Variants in ZNF385D observed in about 807,000 individuals in gnomAD.
The protein encoded by ZNF385D is zinc finger protein 385D, also known as zinc finger protein 659.
In ZNF385D, 15 loss-of-function variants were observed where a neutral mutation model predicts 35.8. That is an observed-to-expected ratio of 0.42 (90% confidence interval 0.28 to 0.64). The LOEUF (loss-of-function observed/expected upper bound fraction) is 0.64. Among genes scored for constraint, ZNF385D ranks in the 30% least tolerant of loss-of-function variants. The pLI, the probability that ZNF385D is intolerant of heterozygous loss-of-function variation, is 0.23. For synonymous variants in ZNF385D, 212 were observed against 186.8 expected (o/e 1.13, Z -1.10); for missense variants, 474 against 494.6 (o/e 0.96, Z 0.39).
rs75745790 is a variant in ZNF385D, at chr3:21,505,649, G to A, written c.439+5212C>T. Among the ~76,000 whole-genome samples the A allele has an allele frequency of 4.4e-3, 664 of 152,058 alleles. 4 individuals are homozygous for A. The highest frequency in any genetic ancestry group is 0.015 in the African/African-American group (630 of 41,468). ...TACAGCCTTGACTGGACAAGAAATC[G>A]ACTTCAGTAACTTTCTCTTAATAAG... On this transcript the variant is annotated intron_variant, in intron 4 of 7. Transcript: ENST00000281523.
chr3:22,022,844 C>T lies in ZNF385D; in HGVS notation c.325+145973G>A, dbSNP rs78656055. On this transcript the variant is annotated intron_variant, in intron 3 of 5. Coordinates refer to the ZNF385D transcript ENST00000494108. ...CAAAATAGTTACCAGGAAGGCAAAACGAATATTTTTAAAAGAATTAAGTCC... is the reference window on the plus strand; with the variant it reads ...CAAAATAGTTACCAGGAAGGCAAAATGAATATTTTTAAAAGAATTAAGTCC... Among the ~76,000 whole-genome samples, 1,116 of 152,110 alleles carry T rather than the reference C, an allele frequency of 7.3e-3. 12 individuals are homozygous for T. Among genetic ancestry groups the T allele is most frequent in the South Asian group, 0.021 (103 of 4,828 alleles).
intron 2 of ZNF385D, among the ~76,000 whole-genome samples, chr3:21,566,403 A>ATCTC (rs1340014059): frequency 6.6e-6 from 1 of 152,112 alleles, no homozygotes; most frequent in Admixed American, 6.6e-5. Flanking sequence ...AGGTGGGTGG[A>ATCTC]TCTCTTGAGG....
Position 22,081,202 on chromosome 3 carries a change from A to G in ZNF385D, c.325+87615T>C, listed in dbSNP as rs569438266. On this transcript the variant is annotated intron_variant, in intron 3 of 5. Coordinates refer to the ZNF385D transcript ENST00000494108. ...TATTAGATATTTGTTAAATTAAAGC[A>G]ACTTATTAAAATTTTGCCCCAAATT... is the stretch of plus-strand genomic sequence containing the variant. Among the ~76,000 whole-genome samples, 15 of 152,286 alleles carry G rather than the reference A, an allele frequency of 9.8e-5. 1 individual carries two copies. The highest frequency in any genetic ancestry group is 3.4e-4 in the African/African-American group (14 of 41,560).
intron 3 of ZNF385D, among the ~76,000 whole-genome samples, chr3:21,833,962 G>C (rs1002426216): frequency 2.6e-5 from 4 of 152,078 alleles, no homozygotes; most frequent in Non-Finnish European, 4.4e-5. Flanking sequence ...TATTTTAGAA[G>C]AGTTCTTTAA....
chr3:22,204,253 C>T (rs756800869), intron 2 of ZNF385D, among the ~76,000 whole-genome samples: 1 of 152,084 alleles, frequency 6.6e-6, no homozygotes, highest in South Asian at 2.1e-4. Context: ...CAAGACAGTA[C>T]CTCAACCAGT....
intron 3 of ZNF385D, among the ~76,000 whole-genome samples, chr3:21,931,802 T>C (rs886464692): frequency 1.3e-5 from 2 of 152,114 alleles, no homozygotes; most frequent in Non-Finnish European, 2.9e-5. Context: ...TAAAAGTCAT[T>C]GGATTGTACA....
chr3:22,223,966 T>A (rs1271141723), intron 2 of ZNF385D, among the ~76,000 whole-genome samples: 1 of 152,164 alleles, frequency 6.6e-6, no homozygotes, highest in East Asian at 1.9e-4. Flanking sequence ...ATGGCCTATT[T>A]CCAGCATTTG....
At chr3:22,045,416 G>A (rs139099638) in intron 3 of ZNF385D, among the ~76,000 whole-genome samples, 234 of 152,262 alleles carry the variant, frequency 1.5e-3, no homozygotes, top group African/African-American at 5.4e-3. Context: ...ATCCAGAACT[G>A]AAGAAGAGAG....
chr3:22,236,311 A>C (rs1478834764), intron 2 of ZNF385D, among the ~76,000 whole-genome samples: 1 of 152,238 alleles, frequency 6.6e-6, no homozygotes, highest in East Asian at 1.9e-4. Flanking sequence ...TTATCACTGG[A>C]AAGTTGACTA....
In ZNF385D at chr3:21,850,902, T is replaced by C. The variant is rs1696344035; in HGVS notation, c.326-185874A>G. Among the ~76,000 whole-genome samples, 3 of 152,124 alleles carry C rather than the reference T, an allele frequency of 2.0e-5. No individual in the cohort carries two copies. The South Asian group carries it at 6.2e-4, about 32-fold the overall frequency. On this transcript the variant is annotated intron_variant, in intron 3 of 5. Transcript: ENST00000494108. ...CCTGCCAAAACAAAACTGAACATTC[T>C]TTAAAGAAAAATAAAAAATTCCAGA... is the stretch of plus-strand genomic sequence containing the variant.
At chr3:21,433,269 A>G (rs1457625422) in intron 5 of ZNF385D, among the ~76,000 whole-genome samples, 1 of 152,218 alleles carries the variant, frequency 6.6e-6, no homozygotes, top group Non-Finnish European at 1.5e-5. Context: ...CTAAGATTGA[A>G]AAACATGTTT....
intron 3 of ZNF385D, among the ~76,000 whole-genome samples, chr3:21,999,951 A>T (rs554699256): frequency 2.0e-5 from 3 of 152,262 alleles, no homozygotes; most frequent in African/African-American, 7.2e-5. Flanking sequence ...TCAAGTTTGG[A>T]AGAGATACAC....
At chr3:21,903,357 C>G (rs1008751813) in intron 3 of ZNF385D, among the ~76,000 whole-genome samples, 10 of 152,092 alleles carry the variant, frequency 6.6e-5, no homozygotes, top group African/African-American at 2.4e-4. Flanking sequence ...AGATTTGGTG[C>G]AATGATTCAG....
chr3:21,437,085 G>T lies in ZNF385D; in HGVS notation c.558C>A (p.Gly186=). 1.2e-6 allele frequency: 2 copies of T among 1,613,984 alleles called. No homozygotes were observed. The highest frequency in any genetic ancestry group is 2.2e-5 in the South Asian group (2 of 91,080). Residue 186 remains glycine, a synonymous_variant, in exon 5 of 8, where the codon GGC becomes GGA. Coordinates refer to ENST00000281523, the MANE Select transcript of ZNF385D (RefSeq NM_024697.3). ...KVEKSPTTAT[G]NSSCPSTETE... ...TCTCAGTAGAAGGACATGAGCTATT[G>T]CCAGTGGCTGTCGTTGGGCTTTTTT...
chr3:22,297,375 C>T (rs959276929), intron 2 of ZNF385D, among the ~76,000 whole-genome samples: 1 of 152,094 alleles, frequency 6.6e-6, no homozygotes, highest in East Asian at 1.9e-4. Context: ...GGGAGGACAG[C>T]CTAGGGAAAG....
rs575693855 is a variant in ZNF385D at position 21,530,697 on chromosome 3, G to T, written c.277-19674C>A. On this transcript the variant is annotated intron_variant, in intron 3 of 7. Transcript: ENST00000281523. The stretch of plus-strand genomic sequence containing the variant: ...TGATGTGTCATTCTAAGGAAACTGA[G>T]GTTCGAAGTCCTCACTCCAGAGACT... Among the ~76,000 whole-genome samples the T allele has an allele frequency of 6.6e-5, 10 of 152,118 alleles. No individual in the cohort carries two copies. In the South Asian group the frequency reaches 1.7e-3, roughly 25 times the overall value.
At chr3:21,808,104 A>G (rs569538426) in intron 3 of ZNF385D, among the ~76,000 whole-genome samples, 1 of 152,290 alleles carries the variant, frequency 6.6e-6, no homozygotes, top group South Asian at 2.1e-4. Flanking sequence ...AAGCCAAAGC[A>G]TGGTTGGAGG....
chr3:21,854,014 A>G (rs1375178437), intron 3 of ZNF385D, among the ~76,000 whole-genome samples: 1 of 151,938 alleles, frequency 6.6e-6, no homozygotes, highest in Non-Finnish European at 1.5e-5. Flanking sequence ...GTGGTGATTA[A>G]AAGGGCATAT....
intron 4 of ZNF385D, among the ~76,000 whole-genome samples, chr3:21,507,667 T>C (rs971792926): frequency 1.3e-5 from 2 of 152,166 alleles, no homozygotes; most frequent in Non-Finnish European, 2.9e-5. Context: ...AAGTCCCAGA[T>C]GCAAGGAATT....
Sources: allele counts gnomAD v4.1 joint callset (sites outside exome capture counted in the v4.1 genomes callset), GRCh38; gene constraint gnomAD v4.1.1; transcripts MANE v1.5; gene names NCBI Gene and HGNC (gene_info 2026-07-23, HGNC 2026-07-21).